The following RBM47 variants were observed in gnomAD, a reference collection of about 807,000 sequenced individuals.
RBM47 encodes the protein RNA binding motif protein 47, also known as RNA-binding protein 47.
Under a neutral mutation model 47.1 loss-of-function variants are expected in RBM47, and 21 were observed. That is an observed-to-expected ratio of 0.45 (90% CI 0.32 to 0.64). The LOEUF (loss-of-function observed/expected upper bound fraction) is 0.64. Ranked by LOEUF, RBM47 falls within the 30% of genes least tolerant of loss-of-function variation. The pLI is 0.05. For missense variants in RBM47, 708 were observed against 870.9 expected (o/e 0.81, Z 2.35); for synonymous variants, 375 against 361.7 (o/e 1.04, Z -0.42).
At chr4:40,509,557 T>A (rs1248169573) in intron 2 of RBM47, among the ~76,000 whole-genome samples, 1 of 152,130 alleles carries the variant, frequency 6.6e-6, no homozygotes, top group African/African-American at 2.4e-5. Context: ...GGCAACATAG[T>A]GAGACCCTGT....
At chr4:40,599,562 G>T (rs930690433) in intron 1 of RBM47, among the ~76,000 whole-genome samples, 60 of 152,108 alleles carry the variant, frequency 3.9e-4, no homozygotes, top group Admixed American at 1.3e-3. Context: ...TGGTAGCTTT[G>T]CTGTCCTATC....
chr4:40,545,708 AG>A (rs1336426002), intron 1 of RBM47, among the ~76,000 whole-genome samples: 3 of 152,034 alleles, frequency 2.0e-5, no homozygotes, highest in East Asian at 1.9e-4. Flanking sequence ...TAAATAAAAG[AG>A]AAAGAGAGGG....
At chr4:40,578,313 T>G (rs1370064529) in intron 1 of RBM47, among the ~76,000 whole-genome samples, 1 of 152,258 alleles carries the variant, frequency 6.6e-6, no homozygotes, top group Admixed American at 6.5e-5. Context: ...ATTAATATAC[T>G]TTAAGTTCTT....
Position 40,438,200 on chromosome 4 carries a change from C to T in RBM47, c.694G>A (p.Glu232Lys), listed in dbSNP as rs1577627564. 1.9e-6 allele frequency: 3 copies of T among 1,606,870 alleles called. No individual in the cohort carries two copies. The highest frequency in any genetic ancestry group is 2.5e-6 in the Non-Finnish European group (3 of 1,179,934). Reference sequence around the variant, plus strand: ...TCCTCGTCCACGTCGATCTCAGGTTCGGCCCAGTCCACGGCGATCTGGTGG... The same window carrying T: ...TCCTCGTCCACGTCGATCTCAGGTTTGGCCCAGTCCACGGCGATCTGGTGG... ...WGHQIAVDWAEPEIDVDEDVM... is the reference protein window; with the variant it reads ...WGHQIAVDWAKPEIDVDEDVM... The change falls in exon 4 of 7, where the codon GAA (glutamate) becomes AAA (lysine). Residue 232 changes from glutamate to lysine, a missense_variant. Physicochemically the swap from Glu to Lys is moderately conservative, Grantham distance 56 (BLOSUM62 1). Transcript: ENST00000295971.
At chr4:40,530,068 T>G (rs1727240255) in intron 2 of RBM47, among the ~76,000 whole-genome samples, 1 of 147,910 alleles carries the variant, frequency 6.8e-6, no homozygotes, top group Non-Finnish European at 1.5e-5. Context: ...CCCGATGAGC[T>G]GGGATTACAG....
intron 1 of RBM47, among the ~76,000 whole-genome samples, chr4:40,579,205 G>A (rs1265055554): frequency 4.0e-5 from 6 of 151,168 alleles, no homozygotes; most frequent in African/African-American, 2.4e-5. Flanking sequence ...GGCGGATCAC[G>A]AGGTCAGGAG....
At chr4:40,609,287 GC>G (rs1485267442) in intron 1 of RBM47, among the ~76,000 whole-genome samples, 3 of 151,272 alleles carry the variant, frequency 2.0e-5, no homozygotes, top group African/African-American at 4.9e-5. Context: ...ACCATGCCTG[GC>G]CTGCTAATTT....
intron 3 of RBM47, among the ~76,000 whole-genome samples, chr4:40,451,790 C>T (rs1431558478): frequency 2.6e-5 from 4 of 152,132 alleles, no homozygotes; most frequent in Non-Finnish European, 4.4e-5. Context: ...GCACTGGCTG[C>T]GTATGAGGCT....
chr4:40,511,248 G>A (rs73147508), intron 2 of RBM47, among the ~76,000 whole-genome samples: 1,645 of 152,264 alleles, frequency 0.011, 23 homozygotes, highest in African/African-American at 0.037. Context: ...AAGCCATACA[G>A]CTCTGTTCAG....
rs961511576 is a variant in RBM47, at chr4:40,438,141, G to A, written c.753C>T (p.Arg251=). 4 of 1,612,604 alleles carry A rather than the reference G, an allele frequency of 2.5e-6. No individual in the cohort carries two copies. In the South Asian group the frequency reaches 3.3e-5, roughly 13 times the overall value. Residue 251 remains arginine (R), a synonymous_variant, in exon 4 of 7, where the codon CGC becomes CGT. Transcript: ENST00000295971. ...VMETVKILYV[R]NLMIETTEDT... is the part of the protein sequence containing the mutation. Reference sequence around the variant, plus strand: ...CCTCGGTGGTCTCGATCATGAGGTTGCGCACGTAGAGGATCTTCACGGTCT... The same window carrying A: ...CCTCGGTGGTCTCGATCATGAGGTTACGCACGTAGAGGATCTTCACGGTCT...
intron 1 of RBM47, among the ~76,000 whole-genome samples, chr4:40,596,453 C>A (rs996088385): frequency 1.3e-5 from 2 of 152,126 alleles, no homozygotes; most frequent in African/African-American, 2.4e-5. Context: ...TGTGCCTATG[C>A]TACACAAGAG....
At position 40,609,761 on chromosome 4, in the gene RBM47, GTAAC is replaced by G. The variant is rs200713199; in HGVS notation, c.-240+19631_-240+19634del. Among the ~76,000 whole-genome samples, 602 of 152,036 alleles carry G rather than the reference GTAAC, an allele frequency of 4.0e-3. 4 individuals carry two copies. The highest frequency in any genetic ancestry group is 0.014 in the African/African-American group (584 of 41,450). On this transcript the variant is annotated intron_variant, in intron 1 of 6. Transcript: ENST00000295971. Reference sequence around the variant, plus strand: ...AGGTTCCGGAATCCCTCTCCAAATGGTAACTAACTACCTGCTTTTCATATCTCTG... The same window carrying G: ...AGGTTCCGGAATCCCTCTCCAAATGGTAACTACCTGCTTTTCATATCTCTG...
chr4:40,550,015 A>G (rs1014772864), intron 1 of RBM47, among the ~76,000 whole-genome samples: 1 of 152,192 alleles, frequency 6.6e-6, no homozygotes, highest in African/African-American at 2.4e-5. Context: ...AACAAATGGG[A>G]AATTAATGAT....
chr4:40,486,473 C>T (rs916935057), intron 2 of RBM47, among the ~76,000 whole-genome samples: 2 of 152,100 alleles, frequency 1.3e-5, no homozygotes, highest in African/African-American at 4.8e-5. Flanking sequence ...AGATAGAAAT[C>T]GAAACAGTGA....
chr4:40,477,619 C>T (rs1055468437), intron 2 of RBM47, among the ~76,000 whole-genome samples: 6 of 152,040 alleles, frequency 3.9e-5, no homozygotes, highest in Admixed American at 1.3e-4. Flanking sequence ...AGTGTGTGCA[C>T]GTGTGCTCCT....
chr4:40,536,542 C>T (rs1727998833), intron 2 of RBM47, among the ~76,000 whole-genome samples: 1 of 152,198 alleles, frequency 6.6e-6, no homozygotes, highest in South Asian at 2.1e-4. Context: ...GACACATACA[C>T]TTTGTTGATG....
chr4:40,439,583 T>C (rs1713309117), intron 3 of RBM47, among the ~76,000 whole-genome samples: 1 of 152,188 alleles, frequency 6.6e-6, no homozygotes, highest in South Asian at 2.1e-4. Context: ...CATTCAAAGA[T>C]TTGGAATCAG....
At chr4:40,593,074 C>A (rs1274319275) in intron 1 of RBM47, among the ~76,000 whole-genome samples, 2 of 136,132 alleles carry the variant, frequency 1.5e-5, no homozygotes, top group Non-Finnish European at 3.1e-5. Flanking sequence ...TGGCTCACTG[C>A]AAGTCCGCCT....
intron 2 of RBM47, among the ~76,000 whole-genome samples, chr4:40,540,406 G>A (rs549987114): frequency 2.6e-5 from 4 of 152,100 alleles, no homozygotes; most frequent in African/African-American, 7.2e-5. Flanking sequence ...TTGGGAGGCC[G>A]AGGTGGGAGG....
Sources: allele counts gnomAD v4.1 joint callset (sites outside exome capture counted in the v4.1 genomes callset), GRCh38; gene constraint gnomAD v4.1.1; transcripts MANE v1.5; gene names NCBI Gene and HGNC (gene_info 2026-07-23, HGNC 2026-07-21).